TMEM8B: variants seen among roughly 807,000 people sequenced by gnomAD.
TMEM8B encodes the protein nasopharyngeal carcinoma expressed 6.
TMEM8B carries 29 observed loss-of-function variants against 49.3 expected under a neutral mutation model. The ratio of observed to expected loss-of-function variants is 0.59; its 90% confidence interval spans 0.44 to 0.80. TMEM8B has a LOEUF of 0.80. Among genes scored for constraint, TMEM8B ranks in the 30% least tolerant of loss-of-function variants. TMEM8B has a pLI of 0.00. For missense variants in TMEM8B, 575 were observed against 658.5 expected (o/e 0.87, Z 1.39); for synonymous variants, 264 against 272.8 (o/e 0.97, Z 0.32).
At chr9:35,843,771 C>CTT (rs111803498) in intron 6 of TMEM8B, among the ~76,000 whole-genome samples, 2 of 151,206 alleles carry the variant, frequency 1.3e-5, no homozygotes, top group African/African-American at 4.9e-5. Context: ...CTGTTTAACC[C>CTT]TTTTTTTTTG....
At chr9:35,851,727 A>G (rs1832156551) in intron 10 of TMEM8B, among the ~76,000 whole-genome samples, 1 of 152,140 alleles carries the variant, frequency 6.6e-6, no homozygotes, top group African/African-American at 2.4e-5. Context: ...ATCAAACCCA[A>G]AGTTTCCTGA....
rs200831867 is a variant in TMEM8B at position 35,853,133 on chromosome 9, T to C, written c.2323-8T>C. 431 of 1,612,914 alleles carry C rather than the reference T, an allele frequency of 2.7e-4. No individual in the cohort carries two copies. Among genetic ancestry groups the C allele is most frequent in the Admixed American group, 5.2e-4 (31 of 60,024 alleles). On this transcript the variant is annotated splice_polypyrimidine_tract_variant and splice_region_variant and intron_variant, in intron 11 of 12. Transcript: ENST00000643932. The surrounding 1 kb of genome is among the most constrained non-coding windows in gnomAD (Gnocchi z 4.2). ...GCCCTAGCCCAGCCCTTGAGTCTCTTTCTCTAGGTGCTGTATTTGCTGGGA... is the reference window on the plus strand; with the variant it reads ...GCCCTAGCCCAGCCCTTGAGTCTCTCTCTCTAGGTGCTGTATTTGCTGGGA...
Position 35,842,695 on chromosome 9 carries a change from G to T in TMEM8B, c.1613G>T (p.Ser538Ile), listed in dbSNP as rs1439455206. The T allele has an allele frequency of 1.2e-6, 2 of 1,613,562 alleles. No individual in the cohort carries two copies. The highest frequency in any genetic ancestry group is 1.7e-6 in the Non-Finnish European group (2 of 1,179,716). Residue 538 changes from serine to isoleucine, a missense_variant, in exon 6 of 13, where the codon AGC becomes ATC. Transcript: ENST00000643932. The surrounding 1 kb of genome is among the most constrained non-coding windows in gnomAD (Gnocchi z 5.6). ...LPVLDSGGVL[S>I]LELQLNASSV... ...GTGCTGGACAGTGGAGGCGTCCTCAGCCTGGAGCTCCAGCTCAATGCGGTA... is the reference window on the plus strand; with the variant it reads ...GTGCTGGACAGTGGAGGCGTCCTCATCCTGGAGCTCCAGCTCAATGCGGTA...
intron 1 of TMEM8B, among the ~76,000 whole-genome samples, chr9:35,833,695 C>T (rs949535754): frequency 4.6e-5 from 7 of 152,164 alleles, no homozygotes; most frequent in African/African-American, 1.4e-4. Context: ...GGGAACATTC[C>T]CCCGGCCCCC....
rs1832337030 is a variant in TMEM8B, at chr9:35,853,449, C to G, written c.2440-56C>G. The G allele has an allele frequency of 6.4e-7, 1 of 1,570,574 alleles. No homozygotes were observed. Among genetic ancestry groups the G allele is most frequent in the Non-Finnish European group, 8.6e-7 (1 of 1,161,148 alleles). Reference sequence around the variant, plus strand: ...AGAGGAAACCTGAGAGTGACCAGCTCTGGCTTGGGTTCCAGGGCTTGGCAT... The same window carrying G: ...AGAGGAAACCTGAGAGTGACCAGCTGTGGCTTGGGTTCCAGGGCTTGGCAT... On this transcript the variant is annotated intron_variant, in intron 12 of 12. Coordinates refer to ENST00000643932, the MANE Select transcript of TMEM8B (RefSeq NM_001042590.4). The surrounding 1 kb of genome is among the most constrained non-coding windows in gnomAD (Gnocchi z 4.2).
chr9:35,837,297 A>T (rs1328400877), intron 3 of TMEM8B, among the ~76,000 whole-genome samples: 2 of 147,450 alleles, frequency 1.4e-5, no homozygotes, highest in African/African-American at 5.4e-5. Context: ...GGGGACACAG[A>T]GAAAAATAAG....
chr9:35,842,639 C>T lies in TMEM8B; in HGVS notation c.1557C>T (p.Arg519=). The change falls in exon 6 of 13, where the codon CGC becomes CGT. Residue 519 remains arginine, a synonymous_variant. Transcript: ENST00000643932. This position sits in a 1 kb window ranked among gnomAD's most constrained non-coding sequence, Gnocchi z 5.6. ...FGPSVALPPE[R]PAVFAMRLLP... ...CAAGTGTGGCCCTTCCCCCTGAGCG[C>T]CCAGCCGTGTTCGCCATGAGGCTGT... 1.2e-6 allele frequency: 2 copies of T among 1,614,220 alleles called. No individual in the cohort carries two copies. Among genetic ancestry groups the T allele is most frequent in the Non-Finnish European group, 1.7e-6 (2 of 1,180,042 alleles).
At chr9:35,851,359 G>A (rs765234833) in intron 10 of TMEM8B, among the ~76,000 whole-genome samples, 6 of 151,838 alleles carry the variant, frequency 4.0e-5, no homozygotes, top group African/African-American at 7.3e-5. Context: ...CGCCCAGGCT[G>A]GTCTTTAACT....
chr9:35,852,534 C>T (rs1247327608), intron 10 of TMEM8B, among the ~76,000 whole-genome samples: 1 of 152,096 alleles, frequency 6.6e-6, no homozygotes, highest in African/African-American at 2.4e-5. Context: ...TTGAGGGTAT[C>T]AGAACCCCCT....
At position 35,864,980 on chromosome 9, in the gene TMEM8B, C is replaced by T. The variant is rs985606388; in HGVS notation, c.*11140C>T. ...TCTGCTTGCCCCCTGCTTTCAGGGA[C>T]CTCATGGTCCCTGCCCAATTTAAAG... is the stretch of plus-strand genomic sequence containing the variant. On this transcript the variant is annotated 3_prime_UTR_variant, in exon 13 of 13. Transcript: ENST00000643932. 1.3e-5 allele frequency: 2 copies of T among 152,260 alleles called. No homozygotes were observed. Among genetic ancestry groups the T allele is most frequent in the African/African-American group, 2.4e-5 (1 of 41,444 alleles). 9.4% of individuals were successfully genotyped at this position (152,260 alleles called of 1,614,324 possible). A position where few individuals can be genotyped will look rare whatever the true frequency, so the allele number is the denominator to read the frequency against.
Position 35,841,402 on chromosome 9 carries a change from A to T in TMEM8B, c.1041-124A>T. 1 of 411,234 alleles carries T rather than the reference A, an allele frequency of 2.4e-6. No individual in the cohort carries two copies. The highest frequency in any genetic ancestry group is 4.4e-6 in the Non-Finnish European group (1 of 226,784). The allele number at this position is 411,234 out of a possible 1,614,324, so 25.5% of individuals were successfully genotyped here. On this transcript the variant is annotated intron_variant, in intron 4 of 12. Transcript: ENST00000643932. The surrounding 1 kb of genome is among the most constrained non-coding windows in gnomAD (Gnocchi z 5.9). ...TCCCTGCCTCCCTCCCTCCCAGCAC[A>T]GAGCGGGAGACCTGAACAGGCCTCC... is the stretch of plus-strand genomic sequence containing the variant.
rs200019418 is a variant in TMEM8B, at chr9:35,840,758, C to A, written c.907-376C>A. Among the ~76,000 whole-genome samples, 102 of 152,274 alleles carry A rather than the reference C, an allele frequency of 6.7e-4. 2 individuals are homozygous for A. The East Asian group carries it at 9.5e-3, about 14-fold the overall frequency. Reference sequence around the variant, plus strand: ...CTAAAAGAGCCAGTGTTCTAAGTTCCTGAGCCTGCTCAGGGAATGGGCTGG... The same window carrying A: ...CTAAAAGAGCCAGTGTTCTAAGTTCATGAGCCTGCTCAGGGAATGGGCTGG... On this transcript the variant is annotated intron_variant, in intron 3 of 12. Coordinates refer to ENST00000643932, the MANE Select transcript of TMEM8B (RefSeq NM_001042590.4).
chr9:35,830,754 G>C (rs1419577410), intron 1 of TMEM8B, among the ~76,000 whole-genome samples: 1 of 152,256 alleles, frequency 6.6e-6, no homozygotes, highest in Non-Finnish European at 1.5e-5. Flanking sequence ...CTGCCCACAA[G>C]GGTGCTTTAT....
In TMEM8B at chr9:35,841,503, C is replaced by G. The variant is rs1588146742; in HGVS notation, c.1041-23C>G. The G allele has an allele frequency of 2.4e-6, 1 of 416,680 alleles. No individual in the cohort carries two copies. Among genetic ancestry groups the G allele is most frequent in the Admixed American group, 4.4e-5 (1 of 22,728 alleles). The allele number at this position is 416,680 out of a possible 1,614,324, so 25.8% of individuals were successfully genotyped here. A position where few individuals can be genotyped will look rare whatever the true frequency, so the allele number is the denominator to read the frequency against. Reference sequence around the variant, plus strand: ...TCTCGCCTCTGTTTGTGCCTTCTTACCCCCAACCTCTCCTCTGCCCAGGGT... The same window carrying G: ...TCTCGCCTCTGTTTGTGCCTTCTTAGCCCCAACCTCTCCTCTGCCCAGGGT... On this transcript the variant is annotated intron_variant, in intron 4 of 12. Coordinates refer to ENST00000643932, the MANE Select transcript of TMEM8B (RefSeq NM_001042590.4). This position sits in a 1 kb window ranked among gnomAD's most constrained non-coding sequence, Gnocchi z 5.9.
Position 35,846,599 on chromosome 9 carries a change from G to T in TMEM8B, c.1984G>T (p.Glu662Ter). 6.4e-7 allele frequency: 1 copy of T among 1,573,530 alleles called. No homozygotes were observed. Among genetic ancestry groups the T allele is most frequent in the South Asian group, 1.1e-5 (1 of 87,184 alleles). ...RTHNYLYAAC[E>*]CKAGWRGWGC... Reference sequence around the variant, plus strand: ...ACACAATTATCTGTACGCAGCCTGCGAGTGCAAGGCCGGTGAGCAGGCTGG... The same window carrying T: ...ACACAATTATCTGTACGCAGCCTGCTAGTGCAAGGCCGGTGAGCAGGCTGG... Residue 662 changes from glutamate (E) to a stop codon, truncating the protein, a stop_gained, in exon 9 of 13, where the codon GAG becomes TAG. Coordinates refer to ENST00000643932, the MANE Select transcript of TMEM8B (RefSeq NM_001042590.4). LOFTEE classifies it high-confidence loss of function.
intron 10 of TMEM8B, among the ~76,000 whole-genome samples, chr9:35,850,228 G>A (rs1378343910): frequency 2.6e-5 from 4 of 152,084 alleles, no homozygotes; most frequent in Non-Finnish European, 5.9e-5. Flanking sequence ...TAGATGCACT[G>A]TTACAAAAAT....
In TMEM8B at chr9:35,841,744, C is replaced by T. The variant is rs1357116056; in HGVS notation, c.1259C>T (p.Ser420Phe). Reference sequence around the variant, plus strand: ...GTCTACGTGCGTGTGGAAACATCATCCCGGGGCCCTGGTAGGACCATCCGC... The same window carrying T: ...GTCTACGTGCGTGTGGAAACATCATTCCGGGGCCCTGGTAGGACCATCCGC... ...HWVYVRVETS[S>F]RGPGRTIRFQ... Residue 420 changes from serine to phenylalanine, a missense_variant, in exon 5 of 13, where the codon TCC (serine) becomes TTC (phenylalanine). Coordinates refer to ENST00000643932, the MANE Select transcript of TMEM8B (RefSeq NM_001042590.4). The surrounding 1 kb of genome is among the most constrained non-coding windows in gnomAD (Gnocchi z 5.9). 2.4e-6 allele frequency: 1 copy of T among 415,986 alleles called. No individual in the cohort carries two copies. Among genetic ancestry groups the T allele is most frequent in the African/African-American group, 2.0e-5 (1 of 48,834 alleles). The allele number at this position is 415,986 out of a possible 1,614,324, so 25.8% of individuals were successfully genotyped here. A position where few individuals can be genotyped will look rare whatever the true frequency, so the allele number is the denominator to read the frequency against.
At position 35,853,001 on chromosome 9, in the gene TMEM8B, A is replaced by G. The variant is rs994386169; in HGVS notation, c.2322+28A>G. The G allele has an allele frequency of 1.2e-6, 2 of 1,613,662 alleles. No individual in the cohort carries two copies. The highest frequency in any genetic ancestry group is 2.7e-5 in the African/African-American group (2 of 74,866). On this transcript the variant is annotated intron_variant, in intron 11 of 12. Transcript: ENST00000643932. This position sits in a 1 kb window ranked among gnomAD's most constrained non-coding sequence, Gnocchi z 4.2. ...CAGTCCAGAGTGGGCCCTGGGGAAC[A>G]ACCATGGCCAAGTCTCCTTGAAATC...
At position 35,846,487 on chromosome 9, in the gene TMEM8B, C is replaced by A. The variant is rs760215102; in HGVS notation, c.1872C>A (p.Asn624Lys). The A allele has an allele frequency of 2.5e-6, 4 of 1,598,618 alleles. No individual in the cohort carries two copies. In the African/African-American group the frequency reaches 5.4e-5, roughly 21 times the overall value. Reference sequence around the variant, plus strand: ...TGCGCAGGTTCGTGCGGTGCCGCAACGCGACGGCCGAGGTGCGGATGCGCA... The same window carrying A: ...TGCGCAGGTTCGTGCGGTGCCGCAAAGCGACGGCCGAGGTGCGGATGCGCA... ...GVGPRFVRCR[N>K]ATAEVRMRTF... Residue 624 changes from asparagine (N) to lysine (K), a missense_variant, in exon 9 of 13, where the codon AAC becomes AAA. Physicochemically the swap from Asn to Lys is moderately conservative, Grantham distance 94. Transcript: ENST00000643932.
Sources: allele counts gnomAD v4.1 joint callset (sites outside exome capture counted in the v4.1 genomes callset), GRCh38; gene constraint gnomAD v4.1.1; non-coding constraint Gnocchi (gnomAD v3.1); transcripts MANE v1.5; gene names NCBI Gene and HGNC (gene_info 2026-07-23, HGNC 2026-07-21).